Variants in SNX8 observed in about 807,000 individuals in gnomAD.
SNX8 encodes the protein sorting nexin 8.
Under a neutral mutation model 51.6 loss-of-function variants are expected in SNX8, and 25 were observed. That is an observed-to-expected ratio of 0.48 (90% CI 0.35 to 0.68). SNX8 has a LOEUF of 0.68. Ranked by LOEUF, SNX8 falls within the 30% of genes least tolerant of loss-of-function variation. The pLI is 0.00. For synonymous variants in SNX8, 324 were observed against 277.0 expected, an observed-to-expected ratio of 1.17 and a Z score of -1.68; for missense variants, 695 against 624.0, an observed-to-expected ratio of 1.11 and a Z score of -1.21.
At chr7:2,271,749 G>A (rs1286675874) in intron 4 of SNX8, 101 bp downstream of exon 4, 7 of 1,365,804 alleles carry the variant, frequency 5.1e-6, no homozygotes, top group South Asian at 4.0e-5. Context: ...TCCAAACAAG[G>A]GACCAGGAGG....
intron 9 of SNX8, 53 bp from the exon 10 acceptor site, chr7:2,257,076 C>T: frequency 6.5e-7 from 1 of 1,536,266 alleles, no homozygotes; most frequent in South Asian, 1.2e-5. Flanking sequence ...GACGGGAGCA[C>T]CAAGGCCCGA....
At position 2,254,276 on chromosome 7, in the gene SNX8, C is replaced by T. The variant is rs911378772; in HGVS notation, c.*780G>A. ...CCTGTCCTCTGCCAGCCCATCCAGC[C>T]TCAGTGCCACACGGTGCAGACCCCA... On this transcript the variant is annotated 3_prime_UTR_variant, in exon 11 of 11. Coordinates refer to ENST00000222990, the MANE Select transcript of SNX8 (RefSeq NM_013321.4). 1 of 152,942 alleles carries T rather than the reference C, an allele frequency of 6.5e-6. No individual in the cohort carries two copies. Among genetic ancestry groups the T allele is most frequent in the Non-Finnish European group, 1.5e-5 (1 of 68,650 alleles). 9.5% of individuals were successfully genotyped at this position (152,942 alleles called of 1,614,324 possible).
At chr7:2,269,728 G>C (rs1335982812) in intron 4 of SNX8, 89 bp from the exon 5 acceptor site, 7 of 766,682 alleles carry the variant, frequency 9.1e-6, no homozygotes, top group Admixed American at 2.5e-5. Context: ...GCGGGAGGTC[G>C]TCTTTCCTCA....
intron 1 of SNX8, among the ~76,000 whole-genome samples, chr7:2,347,500 G>GA (rs149332685): frequency 0.39 from 48,189 of 124,670 alleles, 9,130 homozygotes; most frequent in East Asian, 0.65. Context: ...AAAAAAAAAA[G>GA]AAAAAAAAAA....
chr7:2,285,729 C>T (rs970052783), intron 1 of SNX8, among the ~76,000 whole-genome samples: 2 of 152,236 alleles, frequency 1.3e-5, no homozygotes, highest in East Asian at 1.9e-4. Flanking sequence ...TGCAGTGGCA[C>T]GATCACAGCT....
intron 1 of SNX8, among the ~76,000 whole-genome samples, chr7:2,301,927 G>C (rs1461323017): frequency 1.3e-5 from 2 of 152,138 alleles, no homozygotes; most frequent in Non-Finnish European, 2.9e-5. Context: ...AGAATGCAGA[G>C]CACATTGTCC....
chr7:2,290,969 T>C lies in SNX8; in HGVS notation c.95-12664A>G, dbSNP rs569502248. Among the ~76,000 whole-genome samples the C allele has an allele frequency of 9.2e-5, 14 of 152,306 alleles. No individual in the cohort carries two copies. In the South Asian group the frequency reaches 2.9e-3, roughly 32 times the overall value. On this transcript the variant is annotated intron_variant, in intron 1 of 10. Coordinates refer to ENST00000222990, the MANE Select transcript of SNX8 (RefSeq NM_013321.4). ...GAAGAAGGTTGCTGTCTTCCTGCAA[T>C]GGTCTCAGTGTTTCTACCTTGAAGC...
intron 1 of SNX8, among the ~76,000 whole-genome samples, chr7:2,321,348 C>T (rs1778509259): frequency 6.6e-6 from 1 of 152,134 alleles, no homozygotes. Context: ...TGTGCACCGA[C>T]ACGTCTGCCT....
chr7:2,311,270 T>C (rs892593067), intron 1 of SNX8, among the ~76,000 whole-genome samples: 1 of 152,210 alleles, frequency 6.6e-6, no homozygotes, highest in African/African-American at 2.4e-5. Flanking sequence ...AAATTCACTG[T>C]ATACCCGTAA....
At chr7:2,311,142 G>C (rs1473879179) in intron 1 of SNX8, among the ~76,000 whole-genome samples, 1 of 152,144 alleles carries the variant, frequency 6.6e-6, no homozygotes, top group Admixed American at 6.5e-5. Context: ...TCTTAATGTG[G>C]AAAAGTACAA....
intron 1 of SNX8, among the ~76,000 whole-genome samples, chr7:2,281,406 A>C (rs1044036865): frequency 3.3e-5 from 5 of 151,910 alleles, no homozygotes; most frequent in Non-Finnish European, 7.4e-5. Context: ...GTGACAGAGT[A>C]AGACCCTGTC....
At chr7:2,349,230 A>G (rs1422161731) in intron 1 of SNX8, among the ~76,000 whole-genome samples, 1 of 151,714 alleles carries the variant, frequency 6.6e-6, no homozygotes, top group Non-Finnish European at 1.5e-5. Flanking sequence ...AAAGTAAAAA[A>G]AATGCGTAAT....
At chr7:2,257,237 C>G in intron 9 of SNX8, 128 bp downstream of exon 9, 1 of 1,240,368 alleles carries the variant, frequency 8.1e-7, no homozygotes, top group Non-Finnish European at 1.1e-6. Flanking sequence ...CCTGCCTCCA[C>G]TGCACCCCCA....
intron 1 of SNX8, among the ~76,000 whole-genome samples, chr7:2,331,533 G>A (rs1778736420): frequency 6.6e-6 from 1 of 151,616 alleles, no homozygotes. Flanking sequence ...GTGAAACCCC[G>A]TCTCCACTAA....
intron 1 of SNX8, among the ~76,000 whole-genome samples, chr7:2,299,787 C>T (rs532758441): frequency 7.9e-5 from 12 of 152,046 alleles, no homozygotes; most frequent in East Asian, 1.9e-4. Context: ...AAATATCTGA[C>T]GGGGCTAAGT....
At chr7:2,303,381 G>A (rs910007207) in intron 1 of SNX8, among the ~76,000 whole-genome samples, 1 of 151,820 alleles carries the variant, frequency 6.6e-6, no homozygotes, top group Non-Finnish European at 1.5e-5. Flanking sequence ...GAGGTGAGGG[G>A]CGCCTCTGCC....
At chr7:2,297,727 T>C (rs1395297766) in intron 1 of SNX8, among the ~76,000 whole-genome samples, 1 of 151,808 alleles carries the variant, frequency 6.6e-6, no homozygotes, top group Non-Finnish European at 1.5e-5. Flanking sequence ...AATGAAATCA[T>C]GTCTTTTGCA....
intron 2 of SNX8, among the ~76,000 whole-genome samples, 181 bp from the exon 3 acceptor site, chr7:2,275,410 A>G (rs1795754301): frequency 6.6e-6 from 1 of 152,246 alleles, no homozygotes; most frequent in African/African-American, 2.4e-5. Flanking sequence ...AACTTTGTAT[A>G]GCTCTTAGGC....
chr7:2,286,611 G>A (rs935995898), intron 1 of SNX8, among the ~76,000 whole-genome samples: 22 of 150,442 alleles, frequency 1.5e-4, no homozygotes, highest in East Asian at 6.0e-4. Flanking sequence ...TCCACCTCCC[G>A]GGGTTCACGC....
Sources: allele counts gnomAD v4.1 joint callset (sites outside exome capture counted in the v4.1 genomes callset), GRCh38; gene constraint gnomAD v4.1.1; transcripts MANE v1.5; gene names NCBI Gene and HGNC (gene_info 2026-07-23, HGNC 2026-07-21).